The following ARK2C variants were observed in gnomAD, a reference collection of about 807,000 sequenced individuals.
ARK2C encodes the protein arkadia (RNF111) C-terminal like ring finger ubiquitin ligase 2C.
At chr18:46,389,361 T>C in the ARK2C span, among the ~76,000 whole-genome samples, 1 of 152,248 alleles carries the variant, frequency 6.6e-6, no homozygotes, top group Admixed American at 6.5e-5. Context: ...CTGTAAGTTC[T>C]AAACACACTG....
chr18:46,398,672 C>G, the ARK2C span, among the ~76,000 whole-genome samples: 1 of 151,950 alleles, frequency 6.6e-6, no homozygotes, highest in Non-Finnish European at 1.5e-5. Context: ...CGCTGCTGAA[C>G]TGAGAGCACA....
the ARK2C span, chr18:46,447,350 C>G: frequency 7.0e-6 from 4 of 567,970 alleles, no homozygotes; most frequent in Non-Finnish European, 1.2e-5. Flanking sequence ...CTGGATTGCT[C>G]TAGCTCCTTC....
the ARK2C span, among the ~76,000 whole-genome samples, chr18:46,372,775 T>C: frequency 6.6e-6 from 1 of 152,276 alleles, no homozygotes; most frequent in Non-Finnish European, 1.5e-5. Context: ...TTAAACCCTG[T>C]GCATTTCGAG....
At chr18:46,455,420 C>T in the ARK2C span, among the ~76,000 whole-genome samples, 1 of 152,144 alleles carries the variant, frequency 6.6e-6, no homozygotes, top group Non-Finnish European at 1.5e-5. Flanking sequence ...ATTAGGAACC[C>T]AATTTCTTTC....
At chr18:46,412,399 T>G in the ARK2C span, among the ~76,000 whole-genome samples, 5 of 152,246 alleles carry the variant, frequency 3.3e-5, no homozygotes, top group African/African-American at 1.2e-4. Flanking sequence ...CCTGCCAGTC[T>G]GCTGCTGTCT....
the ARK2C span, chr18:46,458,461 G>A: frequency 3.6e-3 from 553 of 152,452 alleles, 2 homozygotes; most frequent in Admixed American, 5.8e-3. Flanking sequence ...CAATGCCCTC[G>A]TATCAATAAG....
chr18:46,398,618 TG>T, the ARK2C span, among the ~76,000 whole-genome samples: 1 of 151,844 alleles, frequency 6.6e-6, no homozygotes. Flanking sequence ...GGGCTGGAGT[TG>T]GGCTGACACC....
the ARK2C span, among the ~76,000 whole-genome samples, chr18:46,371,678 G>T: frequency 6.6e-6 from 1 of 152,176 alleles, no homozygotes; most frequent in Non-Finnish European, 1.5e-5. Flanking sequence ...CTGAAACAAT[G>T]GTTTGAGAAC....
chr18:46,393,478 G>T, the ARK2C span, among the ~76,000 whole-genome samples: 1 of 152,148 alleles, frequency 6.6e-6, no homozygotes, highest in South Asian at 2.1e-4. Flanking sequence ...AATGGGGCTG[G>T]GAGGCTTCCT....
chr18:46,458,173 A>G, the ARK2C span: 5 of 152,462 alleles, frequency 3.3e-5, no homozygotes, highest in East Asian at 7.7e-4. Context: ...GGGTGTCGGG[A>G]TGGGGGTGCT....
the ARK2C span, among the ~76,000 whole-genome samples, chr18:46,395,887 G>T: frequency 6.6e-6 from 1 of 152,282 alleles, no homozygotes; most frequent in South Asian, 2.1e-4. Context: ...CCATTCTATG[G>T]GAAAGCCCAG....
chr18:46,443,476 G>A, the ARK2C span, among the ~76,000 whole-genome samples: 1 of 152,062 alleles, frequency 6.6e-6, no homozygotes, highest in Non-Finnish European at 1.5e-5. Context: ...TTCTTTTGTA[G>A]GTTTTATCTC....
At chr18:46,367,703 G>C in the ARK2C span, among the ~76,000 whole-genome samples, 12 of 152,286 alleles carry the variant, frequency 7.9e-5, no homozygotes, top group Non-Finnish European at 1.6e-4. Flanking sequence ...TGGCCTCGGT[G>C]TCCCCACCAG....
the ARK2C span, among the ~76,000 whole-genome samples, chr18:46,441,783 G>A: frequency 3.3e-5 from 5 of 150,646 alleles, no homozygotes; most frequent in Non-Finnish European, 7.4e-5. Context: ...AGCTACTCGG[G>A]AGGCTGAGGC....
chr18:46,339,624 GAATCCTA>G, the ARK2C span, among the ~76,000 whole-genome samples: 2 of 152,220 alleles, frequency 1.3e-5, no homozygotes, highest in Non-Finnish European at 2.9e-5. Flanking sequence ...TCAGTTCAGT[GAATCCTA>G]TGTCATAGGC....
At chr18:46,398,874 G>A in the ARK2C span, among the ~76,000 whole-genome samples, 4 of 151,998 alleles carry the variant, frequency 2.6e-5, no homozygotes, top group Admixed American at 2.0e-4. Flanking sequence ...AATGAGACAC[G>A]TCGACAACAT....
chr18:46,435,256 T>C, the ARK2C span: 1 of 1,594,194 alleles, frequency 6.3e-7, no homozygotes, highest in Non-Finnish European at 8.6e-7. Flanking sequence ...GGGTAGCCCC[T>C]GACACGAGGG....
chr18:46,414,469 T>C, the ARK2C span, among the ~76,000 whole-genome samples: 1 of 151,972 alleles, frequency 6.6e-6, no homozygotes, highest in African/African-American at 2.4e-5. Context: ...GACATACATG[T>C]ACACACACAC....
the ARK2C span, among the ~76,000 whole-genome samples, chr18:46,361,540 C>T: frequency 6.6e-6 from 1 of 152,350 alleles, no homozygotes; most frequent in African/African-American, 2.4e-5. Context: ...GGTTCCCCTC[C>T]ACAGTTTCTT....
Sources: allele counts gnomAD v4.1 joint callset (sites outside exome capture counted in the v4.1 genomes callset), GRCh38; gene constraint gnomAD v4.1.1; transcripts MANE v1.5; gene names NCBI Gene and HGNC (gene_info 2026-07-23, HGNC 2026-07-21).